The following SPTLC2 variants were observed in gnomAD, a reference collection of about 807,000 sequenced individuals.
SPTLC2 encodes the protein serine palmitoyltransferase 2.
Under a neutral mutation model 62.0 loss-of-function variants are expected in SPTLC2, and 21 were observed. That is an observed-to-expected ratio of 0.34 (90% CI 0.24 to 0.49). SPTLC2 has a LOEUF of 0.49. Among genes scored for constraint, SPTLC2 ranks in the 20% least tolerant of loss-of-function variants. The pLI is 0.99. For missense variants in SPTLC2, 511 were observed against 713.0 expected, an observed-to-expected ratio of 0.72 and a Z score of 3.23; for synonymous variants, 261 against 261.8, an observed-to-expected ratio of 1.00 and a Z score of 0.03.
chr14:77,576,690 G>C, intron 4 of SPTLC2, 77 bp downstream of exon 4: 3 of 1,585,902 alleles, frequency 1.9e-6, no homozygotes, highest in African/African-American at 1.3e-5. Context: ...TAATACTCTA[G>C]GTCAATATTA....
At chr14:77,597,643 G>A (rs2079854719) in intron 1 of SPTLC2, among the ~76,000 whole-genome samples, 1 of 151,364 alleles carries the variant, frequency 6.6e-6, no homozygotes, top group Non-Finnish European at 1.5e-5. Context: ...GATTGGTGGT[G>A]CACACCTCTA....
chr14:77,519,323 C>T (rs1347891151), intron 10 of SPTLC2, among the ~76,000 whole-genome samples: 7 of 152,166 alleles, frequency 4.6e-5, no homozygotes, highest in African/African-American at 1.7e-4. Context: ...GTGTGAGCCA[C>T]TGTGCCTGGC....
intron 2 of SPTLC2, among the ~76,000 whole-genome samples, chr14:77,589,024 A>C (rs2079799657): frequency 1.4e-5 from 2 of 139,554 alleles, no homozygotes; most frequent in Admixed American, 1.5e-4. Context: ...AAAAAAAAAA[A>C]AAAAACACAC....
chr14:77,589,034 CAAAG>C (rs144038622), intron 2 of SPTLC2, among the ~76,000 whole-genome samples: 3,760 of 103,904 alleles, frequency 0.036, 181 homozygotes, highest in African/African-American at 0.13. Context: ...AAAAAACACA[CAAAG>C]AAAGAAAAGA....
At chr14:77,526,739 A>G (rs1460643632) in intron 9 of SPTLC2, among the ~76,000 whole-genome samples, 1 of 152,168 alleles carries the variant, frequency 6.6e-6, no homozygotes, top group African/African-American at 2.4e-5. Flanking sequence ...TATTCTCAGG[A>G]AGGAAGGAAT....
intron 11 of SPTLC2, among the ~76,000 whole-genome samples, chr14:77,514,425 G>A (rs1160460884): frequency 6.6e-6 from 1 of 152,160 alleles, no homozygotes; most frequent in East Asian, 1.9e-4. Flanking sequence ...TGACTCTTGT[G>A]TGGGGTATTT....
In SPTLC2 at chr14:77,552,218, A is replaced by G; in HGVS notation, c.1181T>C (p.Leu394Pro). Reference sequence around the variant, plus strand: ...AGAATGTGTTCGCAGGTAGTCTATCAGCTCCTGGGGAGTTCACAGAGGCAG... The same window carrying G: ...AGAATGTGTTCGCAGGTAGTCTATCGGCTCCTGGGGAGTTCACAGAGGCAG... ...SGGYIGGKKE[L>P]IDYLRTHSHS... is the part of the protein sequence containing the mutation. The change falls in exon 9 of 12, where the codon CTG (leucine) becomes CCG (proline). Residue 394 changes from leucine to proline, a missense_variant. Coordinates refer to ENST00000216484, the MANE Select transcript of SPTLC2 (RefSeq NM_004863.4). 6.2e-7 allele frequency: 1 copy of G among 1,614,092 alleles called. No individual in the cohort carries two copies. The highest frequency in any genetic ancestry group is 1.3e-5 in the African/African-American group (1 of 75,056).
intron 4 of SPTLC2, among the ~76,000 whole-genome samples, chr14:77,572,859 T>A (rs561614307): frequency 2.0e-5 from 3 of 152,232 alleles, no homozygotes; most frequent in Non-Finnish European, 4.4e-5. Flanking sequence ...TCAGCCTTGA[T>A]AGAATTGAAG....
rs140797465 is a variant in SPTLC2, at chr14:77,590,540, G to A, written c.327+6646C>T. Among the ~76,000 whole-genome samples the A allele has an allele frequency of 4.7e-3, 713 of 152,156 alleles. 4 individuals carry two copies. The highest frequency in any genetic ancestry group is 0.016 in the African/African-American group (664 of 41,540). Reference sequence around the variant, plus strand: ...AGACCAGCCTGGCCAACATGGCAAAGCCCTGTCTCTACTAAAAACACAAAA... The same window carrying A: ...AGACCAGCCTGGCCAACATGGCAAAACCCTGTCTCTACTAAAAACACAAAA... On this transcript the variant is annotated intron_variant, in intron 2 of 11. Coordinates refer to ENST00000216484, the MANE Select transcript of SPTLC2 (RefSeq NM_004863.4).
intron 1 of SPTLC2, among the ~76,000 whole-genome samples, chr14:77,615,948 A>G (rs2079964194): frequency 6.6e-6 from 1 of 152,166 alleles, no homozygotes; most frequent in Admixed American, 6.5e-5. Context: ...GTAGTCCAGA[A>G]TGTGGTTGGG....
chr14:77,614,288 C>T (rs1231270337), intron 1 of SPTLC2, among the ~76,000 whole-genome samples: 1 of 152,188 alleles, frequency 6.6e-6, no homozygotes, highest in African/African-American at 2.4e-5. Flanking sequence ...CTGAACATAA[C>T]TCATAGGGAT....
chr14:77,611,838 A>C (rs1231265067), intron 1 of SPTLC2, among the ~76,000 whole-genome samples: 1 of 151,844 alleles, frequency 6.6e-6, no homozygotes, highest in Non-Finnish European at 1.5e-5. Flanking sequence ...AAAAAAAAAA[A>C]CCTAACGCAG....
intron 9 of SPTLC2, among the ~76,000 whole-genome samples, chr14:77,533,938 C>A (rs1440550402): frequency 6.6e-6 from 1 of 152,030 alleles, no homozygotes; most frequent in African/African-American, 2.4e-5. Context: ...GCGGGAGGAT[C>A]CCTTGAGCTC....
chr14:77,596,930 G>C (rs1271566853), intron 2 of SPTLC2, among the ~76,000 whole-genome samples: 1 of 152,116 alleles, frequency 6.6e-6, no homozygotes, highest in Non-Finnish European at 1.5e-5. Context: ...GTGACTTTTT[G>C]ATTTCTAATC....
intron 2 of SPTLC2, among the ~76,000 whole-genome samples, chr14:77,587,011 G>A (rs1005536020): frequency 6.6e-6 from 1 of 152,080 alleles, no homozygotes; most frequent in African/African-American, 2.4e-5. Flanking sequence ...AGATCACGAG[G>A]TCAGGAGATC....
chr14:77,580,002 C>T (rs568601165), intron 2 of SPTLC2, among the ~76,000 whole-genome samples: 1 of 152,178 alleles, frequency 6.6e-6, no homozygotes, highest in Non-Finnish European at 1.5e-5. Flanking sequence ...ACGGCTCTTC[C>T]CTCCCCACAA....
intron 9 of SPTLC2, among the ~76,000 whole-genome samples, chr14:77,546,614 C>CTGG (rs915062322): frequency 1.3e-5 from 2 of 152,182 alleles, no homozygotes; most frequent in African/African-American, 4.8e-5. Flanking sequence ...ACCCCTACCA[C>CTGG]TGGACTGTTT....
In SPTLC2 at chr14:77,521,576, CTT is replaced by C. The variant is rs753009037; in HGVS notation, c.1307_1308del (p.Lys436ArgfsTer8). 2 of 1,613,996 alleles carry C rather than the reference CTT, an allele frequency of 1.2e-6. No homozygotes were observed. The highest frequency in any genetic ancestry group is 1.1e-5 in the South Asian group (1 of 91,072). ...IMGQDGTSLG[K>X]ECVQQLAENT... ...TTTTCAGCTAACTGTTGTACACACTCTTTACCTGGAAAGTCACGGTGAGAGAA... is the reference window on the plus strand; with the variant it reads ...TTTTCAGCTAACTGTTGTACACACTCTACCTGGAAAGTCACGGTGAGAGAA... On this transcript the variant is annotated frameshift_variant, in exon 10 of 12. Coordinates refer to ENST00000216484, the MANE Select transcript of SPTLC2 (RefSeq NM_004863.4). LOFTEE classifies it high-confidence loss of function.
intron 1 of SPTLC2, among the ~76,000 whole-genome samples, chr14:77,616,100 G>A (rs553199548): frequency 6.6e-6 from 1 of 152,334 alleles, no homozygotes; most frequent in South Asian, 2.1e-4. Context: ...ACCCTCCGGA[G>A]CCCTTGGGCG....
Sources: allele counts gnomAD v4.1 joint callset (sites outside exome capture counted in the v4.1 genomes callset), GRCh38; gene constraint gnomAD v4.1.1; transcripts MANE v1.5; gene names NCBI Gene and HGNC (gene_info 2026-07-23, HGNC 2026-07-21).